SPDYE10: variants seen among roughly 807,000 people sequenced by gnomAD.
SPDYE10 encodes speedy protein E10.
chr7:73,135,529 CTTTTTTTTT>C, the SPDYE10 span, among the ~76,000 whole-genome samples: 5 of 120,828 alleles, frequency 4.1e-5, no homozygotes, highest in African/African-American at 1.6e-4. Context: ...TCTTTCTTTT[CTTTTTTTTT>C]TTTTTGAGAC....
the SPDYE10 span, among the ~76,000 whole-genome samples, chr7:73,131,314 G>A: frequency 4.0e-5 from 6 of 149,500 alleles, no homozygotes; most frequent in African/African-American, 1.3e-4. Context: ...AGGAGAACAG[G>A]AGCTGAAACA....
the SPDYE10 span, among the ~76,000 whole-genome samples, chr7:73,141,070 C>CCACACACACACA: frequency 1.3e-4 from 18 of 136,028 alleles, no homozygotes; most frequent in African/African-American, 1.6e-4. Flanking sequence ...TCCATTTCTA[C>CCACACACACACA]CACACACACA....
At chr7:73,148,882 CA>C in the SPDYE10 span, among the ~76,000 whole-genome samples, 1 of 105,460 alleles carries the variant, frequency 9.5e-6, no homozygotes. Context: ...AGACTGGGTA[CA>C]CCCACATAGT....
the SPDYE10 span, among the ~76,000 whole-genome samples, chr7:73,124,551 T>A: frequency 6.6e-6 from 1 of 151,702 alleles, no homozygotes; most frequent in Admixed American, 6.6e-5. Context: ...AAGAATGGAC[T>A]TAACACTCCC....
the SPDYE10 span, among the ~76,000 whole-genome samples, chr7:73,129,846 G>GTTGT: frequency 2.0e-5 from 3 of 152,156 alleles, no homozygotes; most frequent in Non-Finnish European, 2.9e-5. Context: ...AATATCACTT[G>GTTGT]TTGTTTGTTT....
At chr7:73,126,630 T>C in the SPDYE10 span, among the ~76,000 whole-genome samples, 2 of 146,750 alleles carry the variant, frequency 1.4e-5, no homozygotes, top group Non-Finnish European at 3.0e-5. Context: ...TATAGGGTTC[T>C]ATCATTATTA....
the SPDYE10 span, among the ~76,000 whole-genome samples, chr7:73,113,723 A>G: frequency 9.9e-5 from 15 of 152,226 alleles, no homozygotes; most frequent in East Asian, 2.5e-3. Context: ...GTGAAACCGC[A>G]TCTCTACTAA....
At chr7:73,147,758 G>A in the SPDYE10 span, among the ~76,000 whole-genome samples, 1 of 151,064 alleles carries the variant, frequency 6.6e-6, no homozygotes, top group African/African-American at 2.5e-5. Context: ...GCCTCCCGAA[G>A]TGCTGGGATT....
the SPDYE10 span, among the ~76,000 whole-genome samples, chr7:73,113,704 G>T: frequency 6.6e-6 from 1 of 152,040 alleles, no homozygotes; most frequent in Non-Finnish European, 1.5e-5. Flanking sequence ...GAGCAGCCTG[G>T]CCAACATGGT....
At chr7:73,116,965 G>A in the SPDYE10 span, among the ~76,000 whole-genome samples, 5 of 151,072 alleles carry the variant, frequency 3.3e-5, no homozygotes, top group Non-Finnish European at 5.9e-5. Flanking sequence ...GTGCAATCTC[G>A]TCTCACTATA....
the SPDYE10 span, among the ~76,000 whole-genome samples, chr7:73,123,526 G>C: frequency 6.6e-6 from 1 of 152,346 alleles, no homozygotes; most frequent in South Asian, 2.1e-4. Context: ...GAGTGCAGTG[G>C]TGTGATCTCA....
the SPDYE10 span, among the ~76,000 whole-genome samples, chr7:73,135,094 G>A: frequency 1.3e-5 from 2 of 152,402 alleles, no homozygotes; most frequent in East Asian, 3.8e-4. Flanking sequence ...CTGACTCATA[G>A]GTGTTCCTTC....
At chr7:73,141,294 G>A in the SPDYE10 span, among the ~76,000 whole-genome samples, 10 of 151,846 alleles carry the variant, frequency 6.6e-5, no homozygotes, top group Admixed American at 2.6e-4. Context: ...AGTCTGAGGC[G>A]GGCAGATCAC....
the SPDYE10 span, among the ~76,000 whole-genome samples, chr7:73,123,788 CCTCTCTCTCT>C: frequency 2.2e-4 from 21 of 97,450 alleles, no homozygotes; most frequent in Admixed American, 6.3e-4. Flanking sequence ...TCTCTCTCTC[CCTCTCTCTCT>C]CTCTCTCTCT....
chr7:73,128,043 GA>G, the SPDYE10 span, among the ~76,000 whole-genome samples: 4 of 147,782 alleles, frequency 2.7e-5, no homozygotes, highest in African/African-American at 1.0e-4. Context: ...TAAAACAAGA[GA>G]AAAAAACAGA....
At chr7:73,129,716 T>TA in the SPDYE10 span, among the ~76,000 whole-genome samples, 1 of 138,236 alleles carries the variant, frequency 7.2e-6, no homozygotes, top group East Asian at 2.1e-4. Flanking sequence ...GGAAGTATTT[T>TA]AATTTTGAGG....
At chr7:73,137,630 G>GAAAGAAAGAAAGAAAGA in the SPDYE10 span, among the ~76,000 whole-genome samples, 18 of 136,636 alleles carry the variant, frequency 1.3e-4, no homozygotes, top group Middle Eastern at 3.6e-3. Flanking sequence ...AAGAAAGAAA[G>GAAAGAAAGAAAGAAAGA]AAAGAAAGAA....
the SPDYE10 span, among the ~76,000 whole-genome samples, chr7:73,137,954 G>A: frequency 2.1e-5 from 3 of 144,952 alleles, no homozygotes; most frequent in African/African-American, 7.8e-5. Context: ...GGAAGGGGAA[G>A]GGAAGGGACC....
chr7:73,130,585 G>A, the SPDYE10 span, among the ~76,000 whole-genome samples: 1 of 152,304 alleles, frequency 6.6e-6, no homozygotes, highest in African/African-American at 2.4e-5. Context: ...CTCCTGAGTA[G>A]CTGGGATTAC....
Sources: gnomAD v4.1 joint callset for allele counts (sites outside exome capture counted in the v4.1 genomes callset) on GRCh38, gnomAD v4.1.1 for gene constraint, MANE v1.5 for transcripts, NCBI Gene and HGNC (gene_info 2026-07-23, HGNC 2026-07-21) for gene names.